The following DPY19L2 variants were observed in gnomAD, a reference collection of about 807,000 sequenced individuals.
DPY19L2 encodes dpy-19 like 2, also known as probable C-mannosyltransferase DPY19L2.
A neutral mutation model predicts 97.9 loss-of-function variants in DPY19L2; 34 were observed. That is an observed-to-expected ratio of 0.35 (90% CI 0.26 to 0.46). The LOEUF (loss-of-function observed/expected upper bound fraction) is 0.46. DPY19L2 is among the 20% of genes least tolerant of loss of function. DPY19L2 has a pLI of 1.00. For missense variants in DPY19L2, 623 were observed against 911.4 expected, an observed-to-expected ratio of 0.68 and a Z score of 4.07; for synonymous variants, 230 against 307.9, an observed-to-expected ratio of 0.75 and a Z score of 2.65.
In DPY19L2 at chr12:63,621,261, C is replaced by A. The variant is rs935212047; in HGVS notation, c.1030G>T (p.Ala344Ser). 26 of 1,104,760 alleles carry A rather than the reference C, an allele frequency of 2.4e-5. No homozygotes were observed. In the African/African-American group the frequency reaches 2.9e-4, roughly 12 times the overall value. The allele number at this position is 1,104,760 out of a possible 1,614,324, so 68.4% of individuals were successfully genotyped here. A position where few individuals can be genotyped will look rare whatever the true frequency, so the allele number is the denominator to read the frequency against. The change falls in exon 9 of 22, where the codon GCT (alanine) becomes TCT (serine). Residue 344 changes from alanine to serine, a missense_variant. By Grantham distance (99) the Ala-to-Ser change is moderately conservative. Transcript: ENST00000324472. ...NVAFMLPWQFAQFILFTQIAS... is the reference protein window; with the variant it reads ...NVAFMLPWQFSQFILFTQIAS... ...ACCTGTGTAAAAAGTATAAACTGAGCAAATTGCCAGGGAAGCATAAAAGCA... is the reference window on the plus strand; with the variant it reads ...ACCTGTGTAAAAAGTATAAACTGAGAAAATTGCCAGGGAAGCATAAAAGCA...
At chr12:63,668,602 C>G, upstream of DPY19L2, 1 of 580,436 alleles carries the variant, frequency 1.7e-6, no homozygotes, top group Admixed American at 3.1e-5. Context: ...AGTGTCCCCT[C>G]ACGTGCTCCC....
chr12:63,619,977 C>A (rs955457733), intron 9 of DPY19L2: 1 of 455,724 alleles, frequency 2.2e-6, no homozygotes, highest in African/African-American at 2.0e-5. Flanking sequence ...GTTAAACAGA[C>A]GGAATACTTT....
At chr12:63,628,797 A>G (rs531526865) in intron 6 of DPY19L2, among the ~76,000 whole-genome samples, 1 of 151,246 alleles carries the variant, frequency 6.6e-6, no homozygotes, top group South Asian at 2.1e-4. Flanking sequence ...TCCGAGTAGC[A>G]TAACTGGGAG....
intron 9 of DPY19L2, among the ~76,000 whole-genome samples, chr12:63,618,707 C>A (rs1161468081): frequency 6.6e-6 from 1 of 152,134 alleles, no homozygotes; most frequent in Non-Finnish European, 1.5e-5. Flanking sequence ...CTCAGAAAGA[C>A]TGAAACCCAT....
chr12:63,641,156 G>A (rs551599401), intron 6 of DPY19L2, among the ~76,000 whole-genome samples: 49 of 152,054 alleles, frequency 3.2e-4, no homozygotes, highest in Non-Finnish European at 5.0e-4. Flanking sequence ...TGCCCGCCTC[G>A]GCCTCCCAAA....
chr12:63,641,932 A>T (rs1592703198), intron 6 of DPY19L2, among the ~76,000 whole-genome samples: 1 of 152,258 alleles, frequency 6.6e-6, no homozygotes, highest in East Asian at 1.9e-4. Context: ...GGTGGATGAA[A>T]GCTCCTTTAT....
chr12:63,619,409 T>C (rs1412311679), intron 9 of DPY19L2, among the ~76,000 whole-genome samples: 3 of 152,168 alleles, frequency 2.0e-5, no homozygotes, highest in Admixed American at 2.0e-4. Flanking sequence ...TCTGTAAGCA[T>C]GAAACACACA....
chr12:63,641,624 TG>T lies in DPY19L2; in HGVS notation c.803+2778del, dbSNP rs540998545. 5.9e-3 allele frequency among the ~76,000 whole-genome samples: 893 copies of T among 152,216 alleles called. 8 individuals are homozygous for T. Among genetic ancestry groups the T allele is most frequent in the African/African-American group, 0.02 (842 of 41,518 alleles). Reference sequence around the variant, plus strand: ...TTATATTTGTAAGATTCAACCATGTTGTGTGTAGCTGTATAGTTCATTCATT... The same window carrying T: ...TTATATTTGTAAGATTCAACCATGTTTGTGTAGCTGTATAGTTCATTCATT... On this transcript the variant is annotated intron_variant, in intron 6 of 21. Coordinates refer to ENST00000324472, the MANE Select transcript of DPY19L2 (RefSeq NM_173812.5).
In DPY19L2 at chr12:63,661,409, T is replaced by C. The variant is rs145514959; in HGVS notation, c.523A>G (p.Asn175Asp). The change falls in exon 4 of 22, where the codon AAT (asparagine) becomes GAT (aspartate). Residue 175 changes from asparagine to aspartate, a missense_variant. Around this residue, in one of 6 missense-constraint regions of DPY19L2, gnomAD observed 84 missense variants for 125.4 expected, o/e 0.67. Transcript: ENST00000324472. The stretch of plus-strand genomic sequence containing the variant: ...AGAGGATATTCAGTAAGCCTGTCAT[T>C]CATAATCATCCACAGTCCTTCCAAA... ...SFLEGLWMIM[N>D]DRLTEYPLII... The C allele has an allele frequency of 6.2e-7, 1 of 1,605,544 alleles. No individual in the cohort carries two copies. The highest frequency in any genetic ancestry group is 8.5e-7 in the Non-Finnish European group (1 of 1,177,408).
At chr12:63,634,257 T>C (rs146523656) in intron 6 of DPY19L2, among the ~76,000 whole-genome samples, 87 of 152,180 alleles carry the variant, frequency 5.7e-4, no homozygotes, top group African/African-American at 2.0e-3. Flanking sequence ...ATAATAATGA[T>C]GGCAGCTGTG....
chr12:63,597,398 C>A (rs1436225839), intron 14 of DPY19L2, among the ~76,000 whole-genome samples: 1 of 151,660 alleles, frequency 6.6e-6, no homozygotes, highest in Non-Finnish European at 1.5e-5. Flanking sequence ...TTGGTAACAC[C>A]TTGTTAAAAA....
At chr12:63,619,806 C>T in intron 9 of DPY19L2, 4 of 361,438 alleles carry the variant, frequency 1.1e-5, no homozygotes, top group South Asian at 6.4e-5. Context: ...CACCCGGCCC[C>T]AAAGAGCTTC....
chr12:63,663,103 A>G (rs1895894870), intron 3 of DPY19L2, among the ~76,000 whole-genome samples: 1 of 152,182 alleles, frequency 6.6e-6, no homozygotes, highest in South Asian at 2.1e-4. Context: ...ATTTAAACAA[A>G]AAGCAATGGC....
chr12:63,657,408 G>T (rs1203054322), intron 4 of DPY19L2, among the ~76,000 whole-genome samples: 9 of 152,088 alleles, frequency 5.9e-5, no homozygotes, highest in African/African-American at 1.7e-4. Context: ...TTTACCAAAG[G>T]CTTGTTAATG....
At chr12:63,632,748 C>T (rs1890930756) in intron 6 of DPY19L2, among the ~76,000 whole-genome samples, 1 of 152,102 alleles carries the variant, frequency 6.6e-6, no homozygotes, top group South Asian at 2.1e-4. Context: ...AAAGAGCCCG[C>T]ATCGCCAAGA....
At chr12:63,574,107 T>C (rs1391382291) in intron 19 of DPY19L2, among the ~76,000 whole-genome samples, 1 of 151,760 alleles carries the variant, frequency 6.6e-6, no homozygotes, top group African/African-American at 2.4e-5. Flanking sequence ...AAAAAATAAA[T>C]ACAACAACTT....
intron 21 of DPY19L2, among the ~76,000 whole-genome samples, chr12:63,562,436 GTGGA>G (rs201400880): frequency 3.9e-5 from 6 of 152,210 alleles, no homozygotes; most frequent in African/African-American, 1.2e-4. Flanking sequence ...TGATAAATAA[GTGGA>G]TTGTTTCCAG....
chr12:63,597,787 A>C, intron 14 of DPY19L2, 22 bp downstream of exon 14: 1 of 1,589,750 alleles, frequency 6.3e-7, no homozygotes, highest in Non-Finnish European at 8.6e-7. Context: ...TTAGTAGAGA[A>C]GGAAAAAAGA....
At chr12:63,593,354 G>A (rs867077681) in intron 16 of DPY19L2, among the ~76,000 whole-genome samples, 2,484 of 152,092 alleles carry the variant, frequency 0.016, 81 homozygotes, top group African/African-American at 0.056. Context: ...TGTTTATTGC[G>A]GCACTATTCA....
Sources: gnomAD v4.1 joint callset for allele counts (sites outside exome capture counted in the v4.1 genomes callset) on GRCh38, gnomAD v4.1.1 for gene constraint, gnomAD v4.1.1 regional missense constraint, MANE v1.5 for transcripts, NCBI Gene and HGNC (gene_info 2026-07-23, HGNC 2026-07-21) for gene names.